KLRG1: variants seen among roughly 807,000 people sequenced by gnomAD.
KLRG1 encodes killer cell lectin-like receptor subfamily G member 1.
KLRG1 carries 16 observed loss-of-function variants against 21.8 expected under a neutral mutation model. The observed-to-expected ratio is 0.73, with a 90% confidence interval of 0.50 to 1.11. KLRG1 has a LOEUF of 1.11. KLRG1 is among the 50% of genes most tolerant of loss of function. The pLI, the probability that KLRG1 is intolerant of heterozygous loss-of-function variation, is 0.00. For synonymous variants in KLRG1, 69 were observed against 75.9 expected, an observed-to-expected ratio of 0.91 and a Z score of 0.47; for missense variants, 173 against 218.3, an observed-to-expected ratio of 0.79 and a Z score of 1.31.
chr12:8,965,349 A>T (rs577988558), intron 1 of KLRG1, among the ~76,000 whole-genome samples: 1 of 151,448 alleles, frequency 6.6e-6, no homozygotes, highest in South Asian at 2.1e-4. Context: ...CAATCAGGCA[A>T]GAGAAGGAAA....
At chr12:9,009,385 G>T in intron 4 of KLRG1, 41 bp from the exon 5 acceptor site, 1 of 1,610,078 alleles carries the variant, frequency 6.2e-7, no homozygotes. Context: ...CCTTTTCTGT[G>T]CATGCGGCCT....
At chr12:9,120,281 T>C in the KLRG1 span, among the ~76,000 whole-genome samples, 1 of 152,170 alleles carries the variant, frequency 6.6e-6, no homozygotes, top group East Asian at 1.9e-4. Context: ...AGCACACAAT[T>C]TGAACCAGTT....
the KLRG1 span, among the ~76,000 whole-genome samples, chr12:9,117,007 C>A: frequency 6.6e-6 from 1 of 151,966 alleles, no homozygotes. Flanking sequence ...AGACCTGGAA[C>A]CTTTTAAAAA....
chr12:9,154,733 G>A, the KLRG1 span: 65 of 1,614,020 alleles, frequency 4.0e-5, no homozygotes, highest in Non-Finnish European at 5.3e-5. Flanking sequence ...GATAAGCGAG[G>A]AGCACATAGG....
chr12:9,205,534 A>G, the KLRG1 span, among the ~76,000 whole-genome samples: 1 of 152,230 alleles, frequency 6.6e-6, no homozygotes, highest in Non-Finnish European at 1.5e-5. Flanking sequence ...ACTTGAATCC[A>G]TAACAGATAG....
At chr12:9,165,370 G>T in the KLRG1 span, 1 of 1,613,736 alleles carries the variant, frequency 6.2e-7, no homozygotes, top group South Asian at 1.1e-5. Flanking sequence ...CTGATGAGCT[G>T]GGGAGGAGGG....
At chr12:9,094,796 G>A in the KLRG1 span, among the ~76,000 whole-genome samples, 1 of 152,084 alleles carries the variant, frequency 6.6e-6, no homozygotes, top group Non-Finnish European at 1.5e-5. Context: ...CCTAACACAT[G>A]TACCTCCATT....
chr12:9,021,915 AT>A, the KLRG1 span, among the ~76,000 whole-genome samples: 7 of 151,350 alleles, frequency 4.6e-5, no homozygotes, highest in East Asian at 3.9e-4. Context: ...ACAGATAACT[AT>A]TTTTTTTTCT....
the KLRG1 span, among the ~76,000 whole-genome samples, chr12:9,136,400 C>T: frequency 2.6e-5 from 4 of 152,010 alleles, no homozygotes; most frequent in Middle Eastern, 3.4e-3. Context: ...TTGTACAGTT[C>T]GTGTATATTG....
rs1217593727 is a variant in KLRG1, at chr12:9,009,906, A to T, written c.*369A>T. On this transcript the variant is annotated 3_prime_UTR_variant, in exon 5 of 5. Coordinates refer to ENST00000356986, the MANE Select transcript of KLRG1 (RefSeq NM_005810.4). ...AGCTAATCTGATAAAATCTATGCCA[A>T]TATATACTATTGCTTGTGTACTAGA... 6.6e-7 allele frequency: 1 copy of T among 1,519,146 alleles called. No individual in the cohort carries two copies. Among genetic ancestry groups the T allele is most frequent in the Non-Finnish European group, 8.8e-7 (1 of 1,138,470 alleles). The allele number at this position is 1,519,146 out of a possible 1,614,324, so 94.1% of individuals were successfully genotyped here.
intron 2 of KLRG1, among the ~76,000 whole-genome samples, chr12:8,993,365 T>C (rs950882178): frequency 1.1e-4 from 17 of 152,186 alleles, no homozygotes; most frequent in African/African-American, 4.1e-4. Context: ...CTCGGCTCAC[T>C]GCAACCTCTG....
chr12:9,127,908 C>T, the KLRG1 span: 3 of 338,224 alleles, frequency 8.9e-6, no homozygotes, highest in African/African-American at 2.2e-5. Flanking sequence ...TGAAGACCTG[C>T]GGGACAAGAT....
the KLRG1 span, chr12:9,064,608 A>T: frequency 6.5e-6 from 1 of 153,166 alleles, no homozygotes; most frequent in Non-Finnish European, 1.5e-5. This position sits in a 1 kb window ranked among gnomAD's most constrained non-coding sequence, Gnocchi z 4.0. Context: ...CCCCGGGAGT[A>T]CTCCCGGAGC....
the KLRG1 span, chr12:9,202,797 G>A: frequency 2.0e-6 from 2 of 1,016,758 alleles, no homozygotes; most frequent in Non-Finnish European, 1.4e-6. Context: ...GAGAAGGAAG[G>A]TGTGACTATT....
the KLRG1 span, among the ~76,000 whole-genome samples, chr12:9,139,069 G>A: frequency 6.6e-6 from 1 of 151,908 alleles, no homozygotes; most frequent in African/African-American, 2.4e-5. Context: ...ATTTATCACA[G>A]TAAACCTCCT....
upstream of KLRG1, among the ~76,000 whole-genome samples, chr12:8,989,122 C>G (rs1946896090): frequency 6.6e-6 from 1 of 152,110 alleles, no homozygotes; most frequent in African/African-American, 2.4e-5. Context: ...CAAAATATAT[C>G]TGGGTAATAG....
chr12:9,062,855 A>C, the KLRG1 span, among the ~76,000 whole-genome samples: 1 of 151,332 alleles, frequency 6.6e-6, no homozygotes, highest in African/African-American at 2.4e-5. Context: ...TATATTATAC[A>C]TTTAAACAGT....
At chr12:8,994,481 A>G (rs1947071396) in intron 2 of KLRG1, among the ~76,000 whole-genome samples, 1 of 152,182 alleles carries the variant, frequency 6.6e-6, no homozygotes, top group South Asian at 2.1e-4. Context: ...AGCACCTGTT[A>G]TGCTTCTCTG....
chr12:9,142,196 T>A, the KLRG1 span, among the ~76,000 whole-genome samples: 3 of 152,216 alleles, frequency 2.0e-5, no homozygotes. Flanking sequence ...CAAAGCAAAC[T>A]TCCTTCATGT....
Sources: allele counts gnomAD v4.1 joint callset (sites outside exome capture counted in the v4.1 genomes callset), GRCh38; gene constraint gnomAD v4.1.1; non-coding constraint Gnocchi (gnomAD v3.1); transcripts MANE v1.5; gene names NCBI Gene and HGNC (gene_info 2026-07-23, HGNC 2026-07-21).